The following TTC12 variants were observed in gnomAD, a reference collection of about 807,000 sequenced individuals.
TTC12 encodes tetratricopeptide repeat domain 12.
TTC12 carries 70 observed loss-of-function variants against 90.1 expected under a neutral mutation model. That is an observed-to-expected ratio of 0.78 (90% CI 0.64 to 0.95). The LOEUF is 0.95. TTC12 is among the 40% of genes least tolerant of loss of function. The pLI is 0.00. For missense variants in TTC12, 819 were observed against 846.1 expected (o/e 0.97, Z 0.40); for synonymous variants, 296 against 311.5 (o/e 0.95, Z 0.53).
chr11:113,315,985 A>G (rs1042615766), intron 1 of TTC12: 5 of 299,426 alleles, frequency 1.7e-5, no homozygotes, highest in East Asian at 1.1e-4. Context: ...TTGGCTTTGG[A>G]AGAACTATTT....
intron 8 of TTC12, among the ~76,000 whole-genome samples, chr11:113,336,235 C>A (rs1230710307): frequency 6.6e-6 from 1 of 152,020 alleles, no homozygotes; most frequent in Non-Finnish European, 1.5e-5. Flanking sequence ...GAAATATCTT[C>A]TTTTATAATG....
chr11:113,352,016 G>A (rs2138039721), intron 15 of TTC12, 54 bp from the exon 16 acceptor site: 1 of 1,593,996 alleles, frequency 6.3e-7, no homozygotes, highest in South Asian at 1.1e-5. Flanking sequence ...TAGAGATCAT[G>A]CGGCATCCTT....
intron 14 of TTC12, 47 bp downstream of exon 14, chr11:113,350,212 T>C: frequency 1.4e-6 from 2 of 1,381,532 alleles, no homozygotes; most frequent in Non-Finnish European, 2.1e-6. Flanking sequence ...TCAGTCTTTG[T>C]TGAACTGTCT....
In TTC12 at chr11:113,366,232, G is replaced by A. The variant is rs1439024803; in HGVS notation, c.2050G>A (p.Ala684Thr). ...KLCTAEPRFA[A>T]QLRKLHGLEI... ...TTGTTTTGATTGTGACAGATTTGCT[G>A]CTCAACTGAGAAAGCTTCATGGCCT... The change falls in exon 22 of 22, where the codon GCT becomes ACT. Residue 684 changes from alanine to threonine, a missense_variant. Physicochemically the swap from Ala to Thr is moderately conservative, Grantham distance 58. Coordinates refer to ENST00000529221, the MANE Select transcript of TTC12 (RefSeq NM_017868.4). 1.2e-6 allele frequency: 2 copies of A among 1,613,226 alleles called. No individual in the cohort carries two copies. The highest frequency in any genetic ancestry group is 1.7e-5 in the Admixed American group (1 of 60,022).
In TTC12 at chr11:113,359,403, T is replaced by C. The variant is rs1949793115; in HGVS notation, c.1487T>C (p.Ile496Thr). ...GATGTGGACCTGTTCAGAGAGGTTA[T>C]CTACACACTCCTGGGACTCATGATG... ...EEDVDLFREV[I>T]YTLLGLMMNL... is the part of the protein sequence containing the mutation. Residue 496 changes from isoleucine (I) to threonine (T), a missense_variant, in exon 17 of 22, where the codon ATC becomes ACC. Physicochemically the swap from Ile to Thr is moderately conservative, Grantham distance 89. Coordinates refer to ENST00000529221, the MANE Select transcript of TTC12 (RefSeq NM_017868.4). 1 of 1,613,394 alleles carries C rather than the reference T, an allele frequency of 6.2e-7. No individual in the cohort carries two copies. Among genetic ancestry groups the C allele is most frequent in the Admixed American group, 1.7e-5 (1 of 59,996 alleles).
intron 16 of TTC12, among the ~76,000 whole-genome samples, chr11:113,354,961 G>T (rs1417904125): frequency 6.6e-6 from 1 of 152,162 alleles, no homozygotes; most frequent in Non-Finnish European, 1.5e-5. Flanking sequence ...TCAGGATGAT[G>T]CTGGTCTCAC....
At chr11:113,368,834 GC>G (rs1435346049), downstream of TTC12, 1 of 311,458 alleles carries the variant, frequency 3.2e-6, no homozygotes, top group Non-Finnish European at 5.9e-6. Context: ...TGCAGTTTTT[GC>G]CATTAAAAGT....
intron 16 of TTC12, among the ~76,000 whole-genome samples, chr11:113,356,517 A>G (rs1415237229): frequency 6.6e-6 from 1 of 152,096 alleles, no homozygotes; most frequent in Non-Finnish European, 1.5e-5. Context: ...TGACTTATTT[A>G]TGTGGTTGCT....
intron 6 of TTC12, among the ~76,000 whole-genome samples, chr11:113,328,629 TATA>T (rs1409829630): frequency 6.6e-6 from 1 of 152,206 alleles, no homozygotes; most frequent in African/African-American, 2.4e-5. Context: ...GTTATTGAGA[TATA>T]ATTCACATAC....
intron 9 of TTC12, 52 bp downstream of exon 9, chr11:113,338,886 C>A: frequency 6.5e-7 from 1 of 1,539,660 alleles, no homozygotes; most frequent in Non-Finnish European, 9.0e-7. Flanking sequence ...TCCCTCTGCC[C>A]CCTGCCTTAG....
At chr11:113,335,078 G>C in intron 8 of TTC12, 41 bp downstream of exon 8, 2 of 1,396,978 alleles carry the variant, frequency 1.4e-6, no homozygotes. Context: ...TTTGATCACA[G>C]ACTGATGCTC....
At chr11:113,349,093 TAC>T (rs1202763982) in intron 13 of TTC12, among the ~76,000 whole-genome samples, 28 of 152,230 alleles carry the variant, frequency 1.8e-4, no homozygotes, top group African/African-American at 6.5e-4. Flanking sequence ...CATTGCCTGG[TAC>T]ACAGTCAGTG....
At chr11:113,330,008 T>A in intron 7 of TTC12, 29 bp downstream of exon 7, 1 of 1,578,112 alleles carries the variant, frequency 6.3e-7, no homozygotes, top group Non-Finnish European at 8.7e-7. Context: ...TCCCACATGA[T>A]AGTGTTGGGC....
intron 8 of TTC12, 53 bp downstream of exon 8, chr11:113,335,090 C>T (rs1216394368): frequency 2.3e-6 from 3 of 1,299,450 alleles, no homozygotes; most frequent in Non-Finnish European, 3.4e-6. Flanking sequence ...CTGATGCTCC[C>T]AGTTGTGCTA....
intron 12 of TTC12, among the ~76,000 whole-genome samples, chr11:113,343,538 G>A (rs551671015): frequency 2.0e-5 from 3 of 152,308 alleles, no homozygotes; most frequent in African/African-American, 7.2e-5. Flanking sequence ...TCTTCTACTG[G>A]ATGCCGTGTG....
chr11:113,350,236 G>A (rs1331630883), intron 14 of TTC12, 71 bp downstream of exon 14: 2 of 1,246,918 alleles, frequency 1.6e-6, no homozygotes, highest in African/African-American at 3.0e-5. Flanking sequence ...CTTTAAAAAT[G>A]TGCTGTATTC....
intron 8 of TTC12, among the ~76,000 whole-genome samples, chr11:113,338,124 A>G (rs1433406131): frequency 1.3e-5 from 2 of 152,074 alleles, no homozygotes; most frequent in African/African-American, 4.8e-5. Context: ...CTAGGTGACT[A>G]GTTAGATTAT....
In TTC12 at chr11:113,366,248, T is replaced by G; in HGVS notation, c.2066T>G (p.Leu689Arg). ...AGATTTGCTGCTCAACTGAGAAAGC[T>G]TCATGGCCTAGAAATTCTCAACTCT... ...EPRFAAQLRK[L>R]HGLEILNSTM... Residue 689 changes from leucine (L) to arginine (R), a missense_variant, in exon 22 of 22, where the codon CTT becomes CGT. Physicochemically the swap from Leu to Arg is moderately radical, Grantham distance 102 (BLOSUM62 -2). Coordinates refer to ENST00000529221, the MANE Select transcript of TTC12 (RefSeq NM_017868.4). 2 of 1,613,698 alleles carry G rather than the reference T, an allele frequency of 1.2e-6. No homozygotes were observed. The highest frequency in any genetic ancestry group is 1.7e-6 in the Non-Finnish European group (2 of 1,180,026).
chr11:113,324,011 C>T lies in TTC12; in HGVS notation c.240C>T (p.Asn80=), dbSNP rs568578104. 1 of 1,610,048 alleles carries T rather than the reference C, an allele frequency of 6.2e-7. No homozygotes were observed. The highest frequency in any genetic ancestry group is 8.5e-7 in the Non-Finnish European group (1 of 1,177,696). Residue 80 remains asparagine, a synonymous_variant, in exon 4 of 22, where the codon AAC becomes AAT. Transcript: ENST00000529221. The part of the protein sequence containing the change: ...QTAMKSAEEI[N]SEAFLASVEK... Reference sequence around the variant, plus strand: ...GTCTACAGAGTGCAGAAGAAATAAACTCAGGTAAGGACAGCATCTCTCTTC... The same window carrying T: ...GTCTACAGAGTGCAGAAGAAATAAATTCAGGTAAGGACAGCATCTCTCTTC...
Sources: gnomAD v4.1 joint callset for allele counts (sites outside exome capture counted in the v4.1 genomes callset) on GRCh38, gnomAD v4.1.1 for gene constraint, MANE v1.5 for transcripts, NCBI Gene and HGNC (gene_info 2026-07-23, HGNC 2026-07-21) for gene names.